The following NOSTRIN variants were observed in gnomAD, a reference collection of about 807,000 sequenced individuals.
NOSTRIN encodes BM247 homolog.
Under a neutral mutation model 59.0 loss-of-function variants are expected in NOSTRIN, and 63 were observed. The observed-to-expected ratio is 1.07, with a 90% CI of 0.87 to 1.32. The LOEUF (loss-of-function observed/expected upper bound fraction) is 1.32. Ranked by LOEUF, NOSTRIN falls within the 40% of genes most tolerant of loss-of-function variation. NOSTRIN has a pLI of 0.00. For synonymous variants in NOSTRIN, 200 were observed against 165.4 expected (o/e 1.21, Z -1.61); for missense variants, 512 against 473.1 (o/e 1.08, Z -0.76).
upstream of NOSTRIN, among the ~76,000 whole-genome samples, chr2:168,795,755 A>G (rs148321070): frequency 8.5e-3 from 1,293 of 152,310 alleles, 17 homozygotes; most frequent in African/African-American, 0.029. Context: ...ATTTTGTGCA[A>G]TTTTTACAAC....
At chr2:168,851,477 A>C (rs1450936249) in intron 10 of NOSTRIN, 73 bp downstream of exon 10, 1 of 1,521,380 alleles carries the variant, frequency 6.6e-7, no homozygotes, top group African/African-American at 1.4e-5. Context: ...CATTGAAAAA[A>C]TTGAAAGCAA....
chr2:168,859,743 T>TAATA (rs2105787780), intron 13 of NOSTRIN, 106 bp downstream of exon 13: 1 of 1,359,216 alleles, frequency 7.4e-7, no homozygotes, highest in East Asian at 2.4e-5. Flanking sequence ...TATGTGATAT[T>TAATA]AATATTCATG....
intron 8 of NOSTRIN, among the ~76,000 whole-genome samples, chr2:168,847,513 T>C (rs1293092220): frequency 6.6e-6 from 1 of 152,206 alleles, no homozygotes; most frequent in Non-Finnish European, 1.5e-5. Flanking sequence ...ATCAGTTCTA[T>C]GAGAGTCATT....
At chr2:168,820,557 C>T (rs1483202629) in intron 2 of NOSTRIN, among the ~76,000 whole-genome samples, 1 of 151,976 alleles carries the variant, frequency 6.6e-6, no homozygotes, top group East Asian at 1.9e-4. Context: ...TGCTATAAAC[C>T]CACAAATCTG....
intron 7 of NOSTRIN, among the ~76,000 whole-genome samples, chr2:168,837,672 C>T (rs1687820744): frequency 6.6e-6 from 1 of 152,120 alleles, no homozygotes; most frequent in Non-Finnish European, 1.5e-5. Context: ...CTTCTGTTCA[C>T]TCTTCAAATC....
Position 168,856,723 on chromosome 2 carries a change from C to A in NOSTRIN, c.998C>A (p.Thr333Asn). ...LERMLKTYSSTSSFSDAKSQK... is the reference protein window; with the variant it reads ...LERMLKTYSSNSSFSDAKSQK... Reference sequence around the variant, plus strand: ...CGAATGCTTAAAACGTACTCCAGCACCTCCTCCTTCTCTGATGCAAAGAGC... The same window carrying A: ...CGAATGCTTAAAACGTACTCCAGCAACTCCTCCTTCTCTGATGCAAAGAGC... Residue 333 changes from threonine (T) to asparagine (N), a missense_variant, in exon 12 of 16, where the codon ACC becomes AAC. By Grantham distance (65) the Thr-to-Asn change is moderately conservative. Coordinates refer to ENST00000317647, the MANE Select transcript of NOSTRIN (RefSeq NM_001039724.4). The A allele has an allele frequency of 6.2e-7, 1 of 1,614,136 alleles. No individual in the cohort carries two copies. Among genetic ancestry groups the A allele is most frequent in the Non-Finnish European group, 8.5e-7 (1 of 1,180,004 alleles).
chr2:168,809,992 T>C (rs1056761183), intron 1 of NOSTRIN, among the ~76,000 whole-genome samples: 1 of 152,236 alleles, frequency 6.6e-6, no homozygotes, highest in Admixed American at 6.5e-5. Context: ...ATGTTTCGGA[T>C]GCAAATCCTG....
At chr2:168,851,833 C>T (rs1233515825) in intron 10 of NOSTRIN, among the ~76,000 whole-genome samples, 1 of 151,846 alleles carries the variant, frequency 6.6e-6, no homozygotes, top group East Asian at 1.9e-4. Flanking sequence ...GTCAGGAATT[C>T]AGTTGTGTCT....
At chr2:168,851,783 T>C (rs975299589) in intron 10 of NOSTRIN, among the ~76,000 whole-genome samples, 4 of 151,848 alleles carry the variant, frequency 2.6e-5, no homozygotes, top group African/African-American at 9.7e-5. Context: ...ACCAAAATAA[T>C]GGCTTAAAAC....
Position 168,855,394 on chromosome 2 carries a change from T to A in NOSTRIN, c.898T>A (p.Ser300Thr). ...TGCAATGGATAAAGAGAGACGAAAG[T>A]CTTTACTAAAACCAAAATTATTGAG... ...NSAMDKERRK[S>T]LLKPKLLRLQ... Residue 300 changes from serine (S) to threonine (T), a missense_variant, in exon 11 of 16, where the codon TCT becomes ACT. Ser to Thr is a moderately conservative substitution (Grantham distance 58). Coordinates refer to ENST00000317647, the MANE Select transcript of NOSTRIN (RefSeq NM_001039724.4). 6.2e-7 allele frequency: 1 copy of A among 1,610,642 alleles called. No homozygotes were observed. Among genetic ancestry groups the A allele is most frequent in the Non-Finnish European group, 8.5e-7 (1 of 1,177,494 alleles).
intron 8 of NOSTRIN, among the ~76,000 whole-genome samples, chr2:168,846,305 GT>G (rs1688420110): frequency 6.6e-6 from 1 of 152,122 alleles, no homozygotes. Context: ...GGGTCTCTCA[GT>G]TTCATTTTTT....
At chr2:168,864,789 G>C (rs202072618) in intron 15 of NOSTRIN, 45 bp from the exon 16 acceptor site, 1 of 1,608,640 alleles carries the variant, frequency 6.2e-7, no homozygotes, top group African/African-American at 1.3e-5. Flanking sequence ...GCTGAGGCAT[G>C]TGTTCACATC....
chr2:168,854,735 C>T (rs541655088), intron 10 of NOSTRIN, among the ~76,000 whole-genome samples: 35 of 152,266 alleles, frequency 2.3e-4, no homozygotes, highest in East Asian at 3.9e-4. Context: ...TAGACAGTTA[C>T]GTCTTCTTGC....
chr2:168,833,055 A>T (rs1687461103), intron 6 of NOSTRIN, among the ~76,000 whole-genome samples: 1 of 152,204 alleles, frequency 6.6e-6, no homozygotes, highest in Admixed American at 6.5e-5. Flanking sequence ...ATCTTTTATC[A>T]TTTCCCAGTT....
At chr2:168,791,238 C>A (rs573928406) in intron 2 of NOSTRIN, among the ~76,000 whole-genome samples, 6 of 152,196 alleles carry the variant, frequency 3.9e-5, no homozygotes, top group Middle Eastern at 3.4e-3. Flanking sequence ...TGAGAACATG[C>A]GGTGTTTGGT....
chr2:168,825,113 T>C (rs1686987726), intron 3 of NOSTRIN, among the ~76,000 whole-genome samples: 1 of 152,262 alleles, frequency 6.6e-6, no homozygotes, highest in Non-Finnish European at 1.5e-5. Context: ...CTTCCTCTTC[T>C]AAACATGGCA....
intron 8 of NOSTRIN, among the ~76,000 whole-genome samples, chr2:168,846,033 G>A (rs1386662215): frequency 6.6e-6 from 1 of 152,114 alleles, no homozygotes; most frequent in East Asian, 1.9e-4. Context: ...CACAACGTGA[G>A]ACGACTTCTG....
chr2:168,840,214 T>C (rs1687992214), intron 7 of NOSTRIN, among the ~76,000 whole-genome samples: 1 of 151,950 alleles, frequency 6.6e-6, no homozygotes. Context: ...CAGACACATG[T>C]GGTTCATTAA....
intron 9 of NOSTRIN, 27 bp downstream of exon 9, chr2:168,851,209 T>C (rs1347942814): frequency 6.2e-7 from 1 of 1,614,138 alleles, no homozygotes; most frequent in South Asian, 1.1e-5. Flanking sequence ...TCTCCATTTC[T>C]GGTATGCCTG....
Sources: allele counts gnomAD v4.1 joint callset (sites outside exome capture counted in the v4.1 genomes callset), GRCh38; gene constraint gnomAD v4.1.1; transcripts MANE v1.5; gene names NCBI Gene and HGNC (gene_info 2026-07-23, HGNC 2026-07-21).